The following PRH1 variants were observed in gnomAD, a reference collection of about 807,000 sequenced individuals.
PRH1 encodes salivary acidic proline-rich phosphoprotein 1/2.
A neutral mutation model predicts 7.9 loss-of-function variants in PRH1; 7 were observed. The observed-to-expected ratio is 0.89, with a 90% CI of 0.50 to 1.67. The LOEUF is 1.67. Ranked by LOEUF, PRH1 falls within the 40% of genes most tolerant of loss-of-function variation. The pLI is 0.00. For missense variants in PRH1, 109 were observed against 223.6 expected, an observed-to-expected ratio of 0.49 and a Z score of 3.27; for synonymous variants, 45 against 80.8, an observed-to-expected ratio of 0.56 and a Z score of 2.38.
At chr12:10,892,008 T>G (rs1333790734) in intron 2 of PRH1, 1 of 152,142 alleles carries the variant, frequency 6.6e-6, no homozygotes, top group East Asian at 1.9e-4. Context: ...TATTTCTAAA[T>G]CCCAAGGCTC....
At chr12:11,057,291 T>A (rs1943404694) in intron 1 of PRH1, among the ~76,000 whole-genome samples, 1 of 152,172 alleles carries the variant, frequency 6.6e-6, no homozygotes, top group African/African-American at 2.4e-5. Flanking sequence ...AGCCATCACA[T>A]CCAGCCTGCA....
chr12:11,022,115 C>A, intron 1 of PRH1: 13 of 1,613,812 alleles, frequency 8.1e-6, no homozygotes, highest in Non-Finnish European at 1.1e-5. Context: ...TTTGTCCACA[C>A]TCTCTCATCC....
At chr12:11,171,125 T>C (rs1947823381) in intron 1 of PRH1, 2 of 391,522 alleles carry the variant, frequency 5.1e-6, no homozygotes, top group Non-Finnish European at 9.0e-6. Flanking sequence ...CTACCATCAG[T>C]TGAGCTCTAA....
At chr12:10,954,472 T>C (rs979265935) in intron 2 of PRH1, among the ~76,000 whole-genome samples, 1 of 151,212 alleles carries the variant, frequency 6.6e-6, no homozygotes, top group African/African-American at 2.4e-5. Flanking sequence ...TCTTTTTGTT[T>C]GTTTGTTTGT....
chr12:10,993,725 A>G (rs540025556), intron 1 of PRH1, among the ~76,000 whole-genome samples: 13 of 149,210 alleles, frequency 8.7e-5, no homozygotes, highest in Non-Finnish European at 1.3e-4. Flanking sequence ...AAGTGGAACT[A>G]GAACAAAAAA....
At chr12:10,892,701 C>T (rs147759646) in intron 2 of PRH1, among the ~76,000 whole-genome samples, 91 of 152,282 alleles carry the variant, frequency 6.0e-4, no homozygotes, top group African/African-American at 2.0e-3. Flanking sequence ...AAGCTATCTA[C>T]AGAATTATGG....
chr12:10,900,201 C>G (rs1949704331), intron 2 of PRH1, among the ~76,000 whole-genome samples: 1 of 152,084 alleles, frequency 6.6e-6, no homozygotes, highest in Admixed American at 6.5e-5. Flanking sequence ...GAGAGCCTCC[C>G]TCTGTGACTC....
chr12:11,062,111 A>G, intron 1 of PRH1: 2 of 1,613,198 alleles, frequency 1.2e-6, no homozygotes, highest in Non-Finnish European at 8.5e-7. Context: ...TTTAATACTA[A>G]TACCCAGAGT....
At chr12:10,967,114 CAAAAA>C (rs35838979) in intron 2 of PRH1, among the ~76,000 whole-genome samples, 4 of 99,314 alleles carry the variant, frequency 4.0e-5, no homozygotes, top group African/African-American at 3.9e-5. Flanking sequence ...GACTCCGTCT[CAAAAA>C]AAAAAAAAAA....
intron 2 of PRH1, among the ~76,000 whole-genome samples, chr12:10,967,299 C>A (rs1406390390): frequency 6.6e-6 from 1 of 151,854 alleles, no homozygotes; most frequent in Non-Finnish European, 1.5e-5. Flanking sequence ...GCAGAGTAAT[C>A]AATAATTTTT....
At chr12:10,907,513 ATGTG>A (rs10566346) in intron 2 of PRH1, among the ~76,000 whole-genome samples, 14 of 150,476 alleles carry the variant, frequency 9.3e-5, no homozygotes, top group South Asian at 8.4e-4. Context: ...CTATAACTGT[ATGTG>A]TGTGTGTGTG....
At chr12:10,946,142 C>G (rs150727471) in intron 2 of PRH1, among the ~76,000 whole-genome samples, 3,010 of 152,102 alleles carry the variant, frequency 0.02, 34 homozygotes, top group South Asian at 0.031. Context: ...AAGAGATTAA[C>G]GTAAAGACAG....
chr12:11,073,867 T>C (rs1252923258), intron 1 of PRH1, among the ~76,000 whole-genome samples: 1 of 152,134 alleles, frequency 6.6e-6, no homozygotes, highest in Non-Finnish European at 1.5e-5. Flanking sequence ...TGCAGAACTA[T>C]TCCCTCTTCA....
intron 1 of PRH1, among the ~76,000 whole-genome samples, chr12:11,136,343 C>A (rs963823424): frequency 2.0e-5 from 3 of 152,094 alleles, no homozygotes; most frequent in East Asian, 1.9e-4. Flanking sequence ...TATATTGTTC[C>A]GTTGCATGGA....
intron 1 of PRH1, among the ~76,000 whole-genome samples, chr12:11,082,262 A>T (rs1296185452): frequency 8.7e-6 from 1 of 115,528 alleles, no homozygotes; most frequent in Non-Finnish European, 2.0e-5. Flanking sequence ...AAAGCATTAG[A>T]GTTAAGGTTG....
chr12:11,083,999 C>G (rs78228807), intron 1 of PRH1, among the ~76,000 whole-genome samples: 10,882 of 72,150 alleles, frequency 0.15, 705 homozygotes, highest in Non-Finnish European at 0.21. Flanking sequence ...TGTTGTAAAT[C>G]AATCCTACCT....
chr12:10,952,033 G>T (rs1213955385), intron 2 of PRH1, among the ~76,000 whole-genome samples: 1 of 152,160 alleles, frequency 6.6e-6, no homozygotes, highest in Non-Finnish European at 1.5e-5. Context: ...ATTAAATGCA[G>T]ATGATAATAA....
chr12:10,997,863 G>C (rs1280858318), intron 1 of PRH1: 2 of 1,595,092 alleles, frequency 1.3e-6, no homozygotes, highest in Admixed American at 1.8e-5. Context: ...ACAATGTGTA[G>C]AAAACTCATC....
rs2900577 is a variant in PRH1, at chr12:11,015,075, G to T, written c.-126+31945C>A. ...GAGGCATACGTGTTAAGAGAGAAAA[G>T]GGTAGAAAACAACCTTCTGGGGGCA... On this transcript the variant is annotated intron_variant, in intron 1 of 3. Transcript: ENST00000539853. Among the ~76,000 whole-genome samples the T allele has an allele frequency of 1.2e-3, 178 of 152,118 alleles. 3 individuals carry two copies. Among genetic ancestry groups the T allele is most frequent in the Admixed American group, 6.5e-4 (10 of 15,292 alleles).
Sources: allele counts gnomAD v4.1 joint callset (sites outside exome capture counted in the v4.1 genomes callset), GRCh38; gene constraint gnomAD v4.1.1; transcripts MANE v1.5; gene names NCBI Gene and HGNC (gene_info 2026-07-23, HGNC 2026-07-21).